GXYLT2: variants seen among roughly 807,000 people sequenced by gnomAD.
GXYLT2 encodes glucoside xylosyltransferase 2.
GXYLT2 carries 53 observed loss-of-function variants against 45.8 expected under a neutral mutation model. The ratio of observed to expected loss-of-function variants is 1.16; its 90% CI spans 0.93 to 1.46. GXYLT2 has a LOEUF of 1.46. GXYLT2 is among the 40% of genes most tolerant of loss of function. The pLI is 0.00. For missense variants in GXYLT2, 551 were observed against 544.4 expected (o/e 1.01, Z -0.12); for synonymous variants, 219 against 214.2 (o/e 1.02, Z -0.19).
At chr3:72,915,068 G>A (rs1405644057) in intron 2 of GXYLT2, among the ~76,000 whole-genome samples, 2 of 151,842 alleles carry the variant, frequency 1.3e-5, no homozygotes, top group Non-Finnish European at 2.9e-5. Context: ...CATGAGAATC[G>A]CTTGAACCCG....
chr3:72,955,752 A>T (rs1710629374), intron 4 of GXYLT2, among the ~76,000 whole-genome samples: 1 of 152,164 alleles, frequency 6.6e-6, no homozygotes, highest in African/African-American at 2.4e-5. Context: ...GAAAGAAGCT[A>T]AAAGAACATC....
At chr3:72,928,123 C>T (rs1159353603) in intron 3 of GXYLT2, among the ~76,000 whole-genome samples, 3 of 152,146 alleles carry the variant, frequency 2.0e-5, no homozygotes, top group Non-Finnish European at 4.4e-5. Flanking sequence ...TTAGCAGCTA[C>T]GGCAGAAAAA....
At chr3:72,960,063 A>C (rs998301524) in intron 5 of GXYLT2, among the ~76,000 whole-genome samples, 2 of 152,172 alleles carry the variant, frequency 1.3e-5, no homozygotes, top group African/African-American at 2.4e-5. Flanking sequence ...CTTCTGCCTC[A>C]GCCTCCCGAG....
chr3:72,921,130 T>C (rs1428468556), intron 2 of GXYLT2, among the ~76,000 whole-genome samples: 1 of 151,926 alleles, frequency 6.6e-6, no homozygotes, highest in African/African-American at 2.4e-5. Flanking sequence ...CTCATGCATA[T>C]ATTTTTTCCT....
intron 3 of GXYLT2, among the ~76,000 whole-genome samples, chr3:72,947,625 C>G (rs756551111): frequency 6.6e-6 from 1 of 152,078 alleles, no homozygotes; most frequent in Non-Finnish European, 1.5e-5. Context: ...CATGGTGAAA[C>G]CTTGCCTCTA....
chr3:72,956,484 C>T (rs13097716), intron 4 of GXYLT2, among the ~76,000 whole-genome samples: 12,346 of 152,192 alleles, frequency 0.081, 540 homozygotes, highest in Admixed American at 0.1. Context: ...GATACCTGAA[C>T]TCTGTTATCT....
chr3:72,953,077 A>C (rs1191079138), intron 3 of GXYLT2, among the ~76,000 whole-genome samples: 2 of 152,170 alleles, frequency 1.3e-5, no homozygotes, highest in African/African-American at 4.8e-5. Context: ...AGCAGTTCGC[A>C]CAGGAGAACT....
chr3:72,929,213 C>T (rs936007898), intron 3 of GXYLT2: 14 of 1,581,792 alleles, frequency 8.9e-6, no homozygotes, highest in African/African-American at 2.7e-5. Flanking sequence ...ATACTTTCTT[C>T]ACCAATCTCA....
At chr3:72,926,136 T>C (rs1002532357) in intron 3 of GXYLT2, among the ~76,000 whole-genome samples, 1 of 152,218 alleles carries the variant, frequency 6.6e-6, no homozygotes, top group African/African-American at 2.4e-5. Flanking sequence ...GTCAGTTGAC[T>C]GAGGACCATG....
chr3:72,908,347 C>G lies in GXYLT2; in HGVS notation c.276-20C>G. On this transcript the variant is annotated intron_variant, in intron 1 of 6. Coordinates refer to ENST00000389617, the MANE Select transcript of GXYLT2 (RefSeq NM_001080393.2). The stretch of plus-strand genomic sequence containing the variant: ...TTTTTGAGTTTAGTAATAGCTTTCA[C>G]TTGTTTTCCCTCTTTCTAGGAGGCC... 6.4e-7 allele frequency: 1 copy of G among 1,561,042 alleles called. No individual in the cohort carries two copies. The highest frequency in any genetic ancestry group is 8.6e-7 in the Non-Finnish European group (1 of 1,158,728).
In GXYLT2 at chr3:72,917,202, C is replaced by A. The variant is rs114070456; in HGVS notation, c.469-5002C>A. Among the ~76,000 whole-genome samples the A allele has an allele frequency of 2.2e-3, 336 of 152,192 alleles. 1 individual carries two copies. Among genetic ancestry groups the A allele is most frequent in the African/African-American group, 7.9e-3 (327 of 41,516 alleles). On this transcript the variant is annotated intron_variant, in intron 2 of 6. Coordinates refer to ENST00000389617, the MANE Select transcript of GXYLT2 (RefSeq NM_001080393.2). ...CTCACTGCAGCCCCAACCTCTCAGA[C>A]TGTTAGAGGATGCCGAGAGCTAAGG...
At chr3:72,954,092 CAA>C (rs1047226944) in intron 3 of GXYLT2, among the ~76,000 whole-genome samples, 10 of 152,030 alleles carry the variant, frequency 6.6e-5, no homozygotes, top group Non-Finnish European at 1.3e-4. Context: ...CCCTCATCTG[CAA>C]ACTATATATT....
intron 2 of GXYLT2, among the ~76,000 whole-genome samples, chr3:72,916,233 GA>G (rs1709739491): frequency 6.6e-6 from 1 of 150,560 alleles, no homozygotes; most frequent in African/African-American, 2.4e-5. Context: ...GAGCCTCCAT[GA>G]GTTTGGCCCC....
chr3:72,897,552 C>A (rs140818955), intron 1 of GXYLT2, among the ~76,000 whole-genome samples: 1 of 152,166 alleles, frequency 6.6e-6, no homozygotes, highest in African/African-American at 2.4e-5. Context: ...TTCATCCCCT[C>A]CAAGCCTCAT....
intron 3 of GXYLT2, among the ~76,000 whole-genome samples, chr3:72,926,222 A>G (rs925016059): frequency 3.9e-5 from 6 of 152,226 alleles, no homozygotes; most frequent in Non-Finnish European, 8.8e-5. Context: ...AGATTTTACT[A>G]TCTGAATAAT....
chr3:72,919,741 C>T (rs775879627), intron 2 of GXYLT2, among the ~76,000 whole-genome samples: 13 of 152,070 alleles, frequency 8.5e-5, no homozygotes, highest in African/African-American at 2.4e-5. Context: ...GATGACAGCG[C>T]GAGACTCTGT....
At position 72,938,805 on chromosome 3, in the gene GXYLT2, G is replaced by T. The variant is rs554533814; in HGVS notation, c.601-16293G>T. ...TAACAGTTGGCCACACAGCTGAAATGATGAAATCAAAGACCAAACACAAGT... is the reference window on the plus strand; with the variant it reads ...TAACAGTTGGCCACACAGCTGAAATTATGAAATCAAAGACCAAACACAAGT... On this transcript the variant is annotated intron_variant, in intron 3 of 6. Transcript: ENST00000389617. Among the ~76,000 whole-genome samples the T allele has an allele frequency of 7.9e-5, 12 of 152,308 alleles. No individual in the cohort carries two copies. In the South Asian group the frequency reaches 2.5e-3, roughly 32 times the overall value.
rs573777786 is a variant in GXYLT2, at chr3:72,965,230, A to G, written c.977-2317A>G. ...AAGGATGCCTAAATGTCACTGTCCT[A>G]TAAAAGACTGAGCCCTGAAAACATA... On this transcript the variant is annotated intron_variant, in intron 5 of 6. Coordinates refer to ENST00000389617, the MANE Select transcript of GXYLT2 (RefSeq NM_001080393.2). Among the ~76,000 whole-genome samples the G allele has an allele frequency of 2.2e-4, 33 of 152,354 alleles. No individual in the cohort carries two copies. In the South Asian group the frequency reaches 6.0e-3, roughly 28 times the overall value.
At position 72,888,217 on chromosome 3, in the gene GXYLT2, C is replaced by G; in HGVS notation, c.-17C>G. ...GGCCGAGCCGCCTGGGGGCCGCCGC[C>G]GCCGCCGCGCCGCACCATGAAGCTC... On this transcript the variant is annotated 5_prime_UTR_variant, in exon 1 of 7. Transcript: ENST00000389617. The G allele has an allele frequency of 3.0e-6, 3 of 989,122 alleles. No homozygotes were observed. The highest frequency in any genetic ancestry group is 3.6e-6 in the Non-Finnish European group (3 of 834,734). The allele number at this position is 989,122 out of a possible 1,614,324, so 61.3% of individuals were successfully genotyped here. A position where few individuals can be genotyped will look rare whatever the true frequency, so the allele number is the denominator to read the frequency against.
Sources: allele counts gnomAD v4.1 joint callset (sites outside exome capture counted in the v4.1 genomes callset), GRCh38; gene constraint gnomAD v4.1.1; transcripts MANE v1.5; gene names NCBI Gene and HGNC (gene_info 2026-07-23, HGNC 2026-07-21).